ZNF254: variants seen among roughly 807,000 people sequenced by gnomAD.
ZNF254 encodes CTD-2017D11.1.
A neutral mutation model predicts 12.4 loss-of-function variants in ZNF254; 10 were observed. That is an observed-to-expected ratio of 0.80 (90% CI 0.50 to 1.36). The LOEUF is 1.36. ZNF254 is among the 40% of genes most tolerant of loss of function. The probability of loss-of-function intolerance (pLI) is 0.00; values close to 1 mark genes in which losing one functional copy is unlikely to be tolerated. For missense variants in ZNF254, 996 were observed against 763.9 expected, an observed-to-expected ratio of 1.30 and a Z score of -3.58; for synonymous variants, 305 against 253.4, an observed-to-expected ratio of 1.20 and a Z score of -1.93.
chr19:24,056,830 T>A (rs1233251947), intron 2 of ZNF254, among the ~76,000 whole-genome samples: 2 of 152,186 alleles, frequency 1.3e-5, no homozygotes, highest in African/African-American at 4.8e-5. Context: ...ATTTAACATA[T>A]CCCTGACTGA....
intron 1 of ZNF254, among the ~76,000 whole-genome samples, chr19:24,097,146 T>G (rs552792979): frequency 2.9e-4 from 44 of 152,316 alleles, no homozygotes; most frequent in African/African-American, 1.0e-3. Flanking sequence ...TGACTCAGGA[T>G]TGTCTTTATC....
At chr19:24,064,301 G>A (rs779511213) in intron 2 of ZNF254, among the ~76,000 whole-genome samples, 5 of 152,070 alleles carry the variant, frequency 3.3e-5, no homozygotes, top group Admixed American at 2.6e-4. Context: ...ACATTGTGAC[G>A]TATCTCTAGG....
rs748592702 is a variant in ZNF254, at chr19:24,126,724, G to T, written c.724G>T (p.Glu242Ter). ...TGAAGAGAAACCTTACAAATGTGAA[G>T]AATATAACAAATCTCCTAAGCAACT... is the stretch of plus-strand genomic sequence containing the variant. Reference protein sequence around the residue: ...YTEEKPYKCEEYNKSPKQLST... With the variant: ...YTEEKPYKCE Residue 242 changes from glutamate to a stop codon, truncating the protein, a stop_gained, in exon 4 of 4, where the codon GAA (glutamate) becomes TAA (stop). Coordinates refer to ENST00000357002, the MANE Select transcript of ZNF254 (RefSeq NM_203282.4). LOFTEE classifies it low-confidence loss of function (END_TRUNC). The T allele has an allele frequency of 1.2e-6, 2 of 1,613,386 alleles. No individual in the cohort carries two copies. Among genetic ancestry groups the T allele is most frequent in the Non-Finnish European group, 1.7e-6 (2 of 1,179,736 alleles).
chr19:24,095,286 T>C (rs934803388), intron 1 of ZNF254, among the ~76,000 whole-genome samples: 12 of 152,358 alleles, frequency 7.9e-5, no homozygotes, highest in African/African-American at 2.4e-4. Flanking sequence ...GGATTTGGTT[T>C]GTCAGTATTT....
intron 3 of ZNF254, among the ~76,000 whole-genome samples, chr19:24,120,431 T>G (rs1438956929): frequency 6.6e-6 from 1 of 152,156 alleles, no homozygotes; most frequent in East Asian, 1.9e-4. Flanking sequence ...TTTCAGTTTA[T>G]TAATATAAAA....
intron 1 of ZNF254, among the ~76,000 whole-genome samples, chr19:24,099,577 A>C (rs1972887690): frequency 6.6e-6 from 1 of 152,214 alleles, no homozygotes; most frequent in Non-Finnish European, 1.5e-5. Context: ...GTCTACCTTA[A>C]GCAGTTACCT....
chr19:24,042,392 G>C (rs1055627920), intron 1 of ZNF254, among the ~76,000 whole-genome samples: 1 of 152,174 alleles, frequency 6.6e-6, no homozygotes, highest in Non-Finnish European at 1.5e-5. Flanking sequence ...TTGGCAACCC[G>C]CTCAGGTCCC....
chr19:24,049,830 C>T (rs1288910024), intron 2 of ZNF254, among the ~76,000 whole-genome samples: 2 of 151,966 alleles, frequency 1.3e-5, no homozygotes, highest in African/African-American at 4.8e-5. Flanking sequence ...TCCCTGCATC[C>T]ATCACACAGG....
intron 2 of ZNF254, among the ~76,000 whole-genome samples, chr19:24,052,418 G>A (rs1568428166): frequency 6.6e-6 from 1 of 152,218 alleles, no homozygotes; most frequent in African/African-American, 2.4e-5. Context: ...TTCTGCCTGA[G>A]CCCAGCACAT....
chr19:24,035,273 C>G (rs2145153296), intron 1 of ZNF254, among the ~76,000 whole-genome samples: 1 of 152,268 alleles, frequency 6.6e-6, no homozygotes, highest in African/African-American at 2.4e-5. Flanking sequence ...GAACAATTCT[C>G]CCACCTCAGC....
intron 2 of ZNF254, among the ~76,000 whole-genome samples, chr19:24,047,640 C>T (rs1446126515): frequency 1.1e-5 from 1 of 93,508 alleles, no homozygotes; most frequent in Admixed American, 1.4e-4. Context: ...TTGCTTGCTT[C>T]TTTCCTTCAT....
At chr19:24,091,819 GT>G in intron 1 of ZNF254, 1 of 981,574 alleles carries the variant, frequency 1.0e-6, no homozygotes, top group Non-Finnish European at 1.2e-6. Flanking sequence ...TGATTTTTGA[GT>G]TTAATGCTAA....
chr19:24,073,906 T>C (rs1971567646), intron 2 of ZNF254, among the ~76,000 whole-genome samples: 1 of 152,224 alleles, frequency 6.6e-6, no homozygotes, highest in South Asian at 2.1e-4. Flanking sequence ...TATTGCAACA[T>C]ACACCTCTGA....
intron 1 of ZNF254, among the ~76,000 whole-genome samples, chr19:24,036,919 A>T (rs1969987972): frequency 6.6e-6 from 1 of 152,124 alleles, no homozygotes; most frequent in Admixed American, 6.5e-5. Context: ...CTGAGGAATT[A>T]CTCTATAGTG....
intron 3 of ZNF254, among the ~76,000 whole-genome samples, chr19:24,111,763 G>A (rs1355718666): frequency 2.6e-5 from 4 of 151,370 alleles, no homozygotes; most frequent in African/African-American, 9.7e-5. Context: ...TTTGAGAAGT[G>A]TCTGTTCATG....
intron 3 of ZNF254, among the ~76,000 whole-genome samples, chr19:24,122,018 G>A (rs565487868): frequency 1.3e-5 from 2 of 152,098 alleles, no homozygotes; most frequent in South Asian, 4.1e-4. Flanking sequence ...TTTTGGATTT[G>A]AATATAATTT....
chr19:24,106,293 T>G (rs1040795895), intron 2 of ZNF254: 2 of 608,688 alleles, frequency 3.3e-6, no homozygotes, highest in Non-Finnish European at 4.9e-6. Flanking sequence ...TTTCAGAAGT[T>G]TAGTGGCATA....
At chr19:24,083,251 C>T (rs1212249632), upstream of ZNF254, among the ~76,000 whole-genome samples, 4 of 151,966 alleles carry the variant, frequency 2.6e-5, no homozygotes, top group African/African-American at 7.3e-5. Context: ...TAGGATTATC[C>T]CTAATGAAGG....
intron 3 of ZNF254, among the ~76,000 whole-genome samples, chr19:24,116,561 A>G (rs1470356635): frequency 1.3e-5 from 2 of 151,938 alleles, no homozygotes; most frequent in Non-Finnish European, 2.9e-5. Flanking sequence ...TCCTTTAAGC[A>G]CTTCTCTATA....
Sources: allele counts gnomAD v4.1 joint callset (sites outside exome capture counted in the v4.1 genomes callset), GRCh38; gene constraint gnomAD v4.1.1; transcripts MANE v1.5; gene names NCBI Gene and HGNC (gene_info 2026-07-23, HGNC 2026-07-21).